CHD5: variants seen among roughly 807,000 people sequenced by gnomAD.
CHD5 encodes the protein chromodomain helicase DNA binding protein 5, also known as ATP-dependent chromatin remodeler CHD5.
A neutral mutation model predicts 230.3 loss-of-function variants in CHD5; 69 were observed. The observed-to-expected ratio is 0.30, with a 90% CI of 0.25 to 0.37. The LOEUF is 0.37. CHD5 is among the 10% of genes least tolerant of loss of function. The pLI, the probability that CHD5 is intolerant of heterozygous loss-of-function variation, is 1.00. For synonymous variants in CHD5, 1,064 were observed against 1,065.9 expected (o/e 1.00, Z 0.03); for missense variants, 1,827 against 2,622.8 (o/e 0.70, Z 6.63).
rs777511901 is a variant in CHD5, at chr1:6,146,406, C to G, written c.1608G>C (p.Thr536=). ...TTCTTTGGTAGTTGCGATACATCAC[C>G]GTGTGGTACAGCTCCAGCTGCTCAT... The part of the protein sequence containing the change: ...VKELQLELYH[T]VMYRNYQRKN... The change falls in exon 11 of 42, where the codon ACG becomes ACC. Residue 536 remains threonine (T), a synonymous_variant. Transcript: ENST00000262450. The surrounding 1 kb of genome is among the most constrained non-coding windows in gnomAD (Gnocchi z 5.1). 6.2e-7 allele frequency: 1 copy of G among 1,613,960 alleles called. No individual in the cohort carries two copies. Among genetic ancestry groups the G allele is most frequent in the Non-Finnish European group, 8.5e-7 (1 of 1,179,950 alleles).
At chr1:6,111,132 A>C (rs1241998053) in intron 36 of CHD5, among the ~76,000 whole-genome samples, 1 of 151,680 alleles carries the variant, frequency 6.6e-6, no homozygotes, top group Non-Finnish European at 1.5e-5. Flanking sequence ...CAGGAGGCTG[A>C]GGCAGAAGAA....
chr1:6,113,181 T>G (rs1666320518), intron 33 of CHD5, 183 bp from the exon 34 acceptor site: 7 of 585,454 alleles, frequency 1.2e-5, no homozygotes, highest in Middle Eastern at 2.9e-4. Context: ...CCCAGTATTT[T>G]GGGAGGCCGA....
rs115791168 is a variant in CHD5, at chr1:6,116,437, A to T, written c.4913-3439T>A. Among the ~76,000 whole-genome samples, 458 of 152,370 alleles carry T rather than the reference A, an allele frequency of 3.0e-3. 7 individuals carry two copies. The highest frequency in any genetic ancestry group is 0.011 in the African/African-American group (441 of 41,596). On this transcript the variant is annotated intron_variant, in intron 33 of 41. Coordinates refer to ENST00000262450, the MANE Select transcript of CHD5 (RefSeq NM_015557.3). Reference sequence around the variant, plus strand: ...CTTTAAGAATCACAGTGAGTCACACACAAGATAAACAAAAACTTCACTCTA... The same window carrying T: ...CTTTAAGAATCACAGTGAGTCACACTCAAGATAAACAAAAACTTCACTCTA...
chr1:6,162,109 C>T (rs985206657), intron 2 of CHD5, among the ~76,000 whole-genome samples: 15 of 152,114 alleles, frequency 9.9e-5, no homozygotes, highest in East Asian at 3.8e-4. Flanking sequence ...AGGCTGGGCG[C>T]GGTGACTCAC....
intron 1 of CHD5, among the ~76,000 whole-genome samples, chr1:6,171,406 T>G (rs1667336621): frequency 6.6e-6 from 1 of 152,154 alleles, no homozygotes; most frequent in Non-Finnish European, 1.5e-5. Context: ...AGACGGGGAC[T>G]CAGCCCTGCC....
intron 8 of CHD5, 36 bp from the exon 9 acceptor site, chr1:6,149,111 G>A (rs751590118): frequency 3.4e-6 from 5 of 1,473,132 alleles, no homozygotes; most frequent in Non-Finnish European, 4.5e-6. Flanking sequence ...ACCCTGGGCG[G>A]GGTCCCCGCT....
Position 6,146,915 on chromosome 1 carries a change from G to GT in CHD5, c.1384-45_1384-44insA, listed in dbSNP as rs943657887. On this transcript the variant is annotated intron_variant, in intron 9 of 41. Coordinates refer to ENST00000262450, the MANE Select transcript of CHD5 (RefSeq NM_015557.3). The surrounding 1 kb of genome is among the most constrained non-coding windows in gnomAD (Gnocchi z 5.1). ...CCCCAAGGTGGGGCTCAGCTGCAGGGCCCCACCCTGAGGCTCCCATGACAG... is the reference window on the plus strand; with the variant it reads ...CCCCAAGGTGGGGCTCAGCTGCAGGGTCCCCACCCTGAGGCTCCCATGACAG... 11 of 1,410,950 alleles carry GT rather than the reference G, an allele frequency of 7.8e-6. No homozygotes were observed. In the Admixed American group the frequency reaches 2.0e-4, roughly 25 times the overall value. The allele number at this position is 1,410,950 out of a possible 1,614,324, so 87.4% of individuals were successfully genotyped here. A position where few individuals can be genotyped will look rare whatever the true frequency, so the allele number is the denominator to read the frequency against.
intron 17 of CHD5, among the ~76,000 whole-genome samples, chr1:6,135,935 A>AGGAGGC: frequency 6.6e-6 from 1 of 152,110 alleles, no homozygotes; most frequent in East Asian, 1.9e-4. Context: ...ACTTGAACCC[A>AGGAGGC]GGAGGCGGAG....
chr1:6,136,986 G>A lies in CHD5; in HGVS notation c.2437-121C>T, dbSNP rs1157260922. 2.8e-6 allele frequency: 3 copies of A among 1,087,062 alleles called. No homozygotes were observed. In the Admixed American group the frequency reaches 8.3e-5, roughly 30 times the overall value. 67.3% of individuals were successfully genotyped at this position (1,087,062 alleles called of 1,614,324 possible). A position where few individuals can be genotyped will look rare whatever the true frequency, so the allele number is the denominator to read the frequency against. On this transcript the variant is annotated intron_variant, in intron 15 of 41. Coordinates refer to ENST00000262450, the MANE Select transcript of CHD5 (RefSeq NM_015557.3). ...ACCCACAAAGGCTCCACGGAGCCCTGGGCCGGCCAGCCTAGGACCAGAGGG... is the reference window on the plus strand; with the variant it reads ...ACCCACAAAGGCTCCACGGAGCCCTAGGCCGGCCAGCCTAGGACCAGAGGG...
At chr1:6,113,901 C>T (rs763015698) in intron 33 of CHD5, among the ~76,000 whole-genome samples, 1 of 152,174 alleles carries the variant, frequency 6.6e-6, no homozygotes, top group Non-Finnish European at 1.5e-5. Flanking sequence ...CCTCCAGAAA[C>T]AAAAGGGGAG....
chr1:6,146,362 G>A lies in CHD5; in HGVS notation c.1652C>T (p.Pro551Leu), dbSNP rs143479789. 1.9e-5 allele frequency: 30 copies of A among 1,614,018 alleles called. No individual in the cohort carries two copies. In the East Asian group the frequency reaches 4.9e-4, roughly 26 times the overall value. ...CCCAGAGCCGTAGTCAAAGGGGGGCGGCTCATCCATGTCGTTCTTTCTTTG... is the reference window on the plus strand; with the variant it reads ...CCCAGAGCCGTAGTCAAAGGGGGGCAGCTCATCCATGTCGTTCTTTCTTTG... ...NYQRKNDMDE[P>L]PPFDYGSGDE... The change falls in exon 11 of 42, where the codon CCG becomes CTG. Residue 551 changes from proline (P) to leucine (L), a missense_variant. Coordinates refer to ENST00000262450, the MANE Select transcript of CHD5 (RefSeq NM_015557.3). The surrounding 1 kb of genome is among the most constrained non-coding windows in gnomAD (Gnocchi z 5.1).
intron 1 of CHD5, among the ~76,000 whole-genome samples, chr1:6,177,799 G>A (rs963754576): frequency 5.9e-5 from 9 of 152,214 alleles, no homozygotes; most frequent in African/African-American, 9.6e-5. Context: ...TGGCAGGATG[G>A]AGCGTGGAGC....
intron 38 of CHD5, among the ~76,000 whole-genome samples, chr1:6,108,722 G>A (rs1666237513): frequency 6.7e-6 from 1 of 150,196 alleles, no homozygotes; most frequent in Non-Finnish European, 1.5e-5. Context: ...ATGATGAAGG[G>A]AAGGAGGGAT....
intron 2 of CHD5, among the ~76,000 whole-genome samples, chr1:6,166,934 A>G (rs2100880917): frequency 6.6e-6 from 1 of 152,258 alleles, no homozygotes; most frequent in East Asian, 1.9e-4. Context: ...AAACCCTCAC[A>G]GCACGGAGTG....
In CHD5 at chr1:6,149,084, G is replaced by A. The variant is rs1666956211; in HGVS notation, c.1162-9C>T. ...TGGATCCCCTCCTTCTCCTGGGGGAGGAGGCCAGGTGGAGGCACCCTGGGC... is the reference window on the plus strand; with the variant it reads ...TGGATCCCCTCCTTCTCCTGGGGGAAGAGGCCAGGTGGAGGCACCCTGGGC... On this transcript the variant is annotated splice_polypyrimidine_tract_variant and intron_variant, in intron 8 of 41. Coordinates refer to ENST00000262450, the MANE Select transcript of CHD5 (RefSeq NM_015557.3). 2 of 1,506,828 alleles carry A rather than the reference G, an allele frequency of 1.3e-6. No homozygotes were observed. The highest frequency in any genetic ancestry group is 1.8e-6 in the Non-Finnish European group (2 of 1,125,310). 93.3% of individuals were successfully genotyped at this position (1,506,828 alleles called of 1,614,324 possible).
rs150912370 is a variant in CHD5, at chr1:6,146,104, C to A, written c.1802+108G>T. Reference sequence around the variant, plus strand: ...CCCACATGTGGTTCTGCACGGCAGCCCCAAAGCAAGGGCCCTGGCACCCTG... The same window carrying A: ...CCCACATGTGGTTCTGCACGGCAGCACCAAAGCAAGGGCCCTGGCACCCTG... On this transcript the variant is annotated intron_variant, in intron 11 of 41. Coordinates refer to ENST00000262450, the MANE Select transcript of CHD5 (RefSeq NM_015557.3). This position sits in a 1 kb window ranked among gnomAD's most constrained non-coding sequence, Gnocchi z 5.1. The A allele has an allele frequency of 5.4e-6, 6 of 1,107,122 alleles. No homozygotes were observed. Among genetic ancestry groups the A allele is most frequent in the African/African-American group, 1.5e-5 (1 of 64,728 alleles). 68.6% of individuals were successfully genotyped at this position (1,107,122 alleles called of 1,614,324 possible).
chr1:6,179,979 G>A lies in CHD5; in HGVS notation c.45C>T (p.Phe15=), dbSNP rs1367860348. 6 of 1,384,316 alleles carry A rather than the reference G, an allele frequency of 4.3e-6. No individual in the cohort carries two copies. The highest frequency in any genetic ancestry group is 3.6e-5 in the East Asian group (1 of 27,522). The allele number at this position is 1,384,316 out of a possible 1,614,324, so 85.8% of individuals were successfully genotyped here. A position where few individuals can be genotyped will look rare whatever the true frequency, so the allele number is the denominator to read the frequency against. Residue 15 remains phenylalanine (F), a synonymous_variant, in exon 1 of 42, where the codon TTC becomes TTT. Transcript: ENST00000262450. ...VGTEEELPRL[F]AEEMENEDEM... ...CGTCCTCATTCTCCATCTCCTCGGC[G>A]AACAGCCGCGGCAGCTCCTCCTCGG...
intron 1 of CHD5, among the ~76,000 whole-genome samples, chr1:6,169,053 G>A (rs1046702240): frequency 1.3e-5 from 2 of 151,756 alleles, no homozygotes; most frequent in African/African-American, 2.4e-5. Flanking sequence ...GAGAATTGTG[G>A]AGCACAGGGA....
chr1:6,121,400 G>A lies in CHD5; in HGVS notation c.4779+94C>T. 2 of 1,479,842 alleles carry A rather than the reference G, an allele frequency of 1.4e-6. No individual in the cohort carries two copies. Among genetic ancestry groups the A allele is most frequent in the Non-Finnish European group, 1.9e-6 (2 of 1,072,046 alleles). 91.7% of individuals were successfully genotyped at this position (1,479,842 alleles called of 1,614,324 possible). A position where few individuals can be genotyped will look rare whatever the true frequency, so the allele number is the denominator to read the frequency against. ...CCCCGAAAAGGGAGCCAGGAGGCCTGGGTTCCACCTCGCTGTACAGGGCCT... is the reference window on the plus strand; with the variant it reads ...CCCCGAAAAGGGAGCCAGGAGGCCTAGGTTCCACCTCGCTGTACAGGGCCT... On this transcript the variant is annotated intron_variant, in intron 32 of 41. Transcript: ENST00000262450. This position sits in a 1 kb window ranked among gnomAD's most constrained non-coding sequence, Gnocchi z 4.5.
Sources: allele counts gnomAD v4.1 joint callset (sites outside exome capture counted in the v4.1 genomes callset), GRCh38; gene constraint gnomAD v4.1.1; non-coding constraint Gnocchi (gnomAD v3.1); transcripts MANE v1.5; gene names NCBI Gene and HGNC (gene_info 2026-07-23, HGNC 2026-07-21).